Variants in DCC observed in about 807,000 individuals in gnomAD.
The protein encoded by DCC is DCC netrin 1 receptor, also known as netrin receptor DCC.
Under a neutral mutation model 172.5 loss-of-function variants are expected in DCC, and 58 were observed. That is an observed-to-expected ratio of 0.34 (90% CI 0.27 to 0.42). The LOEUF is 0.42. Among genes scored for constraint, DCC ranks in the 10% least tolerant of loss-of-function variants. The pLI, the probability that DCC is intolerant of heterozygous loss-of-function variation, is 1.00. For missense variants in DCC, 1,740 were observed against 1,791.0 expected, an observed-to-expected ratio of 0.97 and a Z score of 0.51; for synonymous variants, 709 against 644.5, an observed-to-expected ratio of 1.10 and a Z score of -1.52.
chr18:53,437,386 C>A (rs550393496), intron 22 of DCC, among the ~76,000 whole-genome samples: 83 of 152,016 alleles, frequency 5.5e-4, no homozygotes, highest in African/African-American at 2.0e-3. Flanking sequence ...CGAGACCATC[C>A]TGGCTAACAC....
chr18:53,117,442 T>C (rs4414555), intron 7 of DCC, among the ~76,000 whole-genome samples: 67,253 of 151,490 alleles, frequency 0.44, 15,474 homozygotes, highest in Non-Finnish European at 0.49. Flanking sequence ...CCCTTTCTTT[T>C]GTCATCTTCT....
chr18:52,421,354 G>A (rs940270442), intron 1 of DCC, among the ~76,000 whole-genome samples: 16 of 152,168 alleles, frequency 1.1e-4, no homozygotes, highest in Admixed American at 2.0e-4. Context: ...TGGCAGGTCC[G>A]ATGACATTCC....
At chr18:53,378,412 T>A (rs1301758689) in intron 15 of DCC, among the ~76,000 whole-genome samples, 1 of 146,466 alleles carries the variant, frequency 6.8e-6, no homozygotes, top group African/African-American at 2.6e-5. Context: ...TTGTTGAGTG[T>A]CCCTTTGAAT....
intron 15 of DCC, among the ~76,000 whole-genome samples, chr18:53,361,828 ATT>A (rs35337117): frequency 6.6e-6 from 1 of 151,830 alleles, no homozygotes; most frequent in Non-Finnish European, 1.5e-5. Flanking sequence ...GAAATTATGT[ATT>A]TTTTTTAAAT....
intron 15 of DCC, 144 bp downstream of exon 15, chr18:53,340,051 CACACACACACACACACACACACACAT>C: frequency 5.6e-6 from 3 of 536,062 alleles, no homozygotes; most frequent in Non-Finnish European, 6.7e-6. Context: ...TCTATCTACA[CACACACACACACACACACACACACAT>C]ACACACACAC....
At chr18:52,808,103 TTATG>T (rs2038121572) in intron 2 of DCC, among the ~76,000 whole-genome samples, 2 of 152,196 alleles carry the variant, frequency 1.3e-5, no homozygotes, top group Non-Finnish European at 2.9e-5. Flanking sequence ...AAGTTTCCCT[TTATG>T]TATGAGATTT....
At chr18:53,314,512 C>T (rs1245423233) in intron 13 of DCC, among the ~76,000 whole-genome samples, 1 of 152,180 alleles carries the variant, frequency 6.6e-6, no homozygotes, top group Admixed American at 6.5e-5. Context: ...GGTGAGTTAT[C>T]TCCGTTGCTG....
intron 1 of DCC, among the ~76,000 whole-genome samples, chr18:52,613,178 A>C (rs1486963386): frequency 6.6e-6 from 1 of 152,194 alleles, no homozygotes; most frequent in Non-Finnish European, 1.5e-5. Context: ...TGGGATGATC[A>C]CAACAGATCT....
intron 1 of DCC, among the ~76,000 whole-genome samples, chr18:52,403,341 T>C (rs1220160670): frequency 1.3e-5 from 2 of 152,006 alleles, no homozygotes; most frequent in Non-Finnish European, 2.9e-5. Context: ...TGAACAGCCC[T>C]TGATGCTCTC....
chr18:52,412,080 A>G (rs1228319403), intron 1 of DCC, among the ~76,000 whole-genome samples: 1 of 152,118 alleles, frequency 6.6e-6, no homozygotes, highest in African/African-American at 2.4e-5. Flanking sequence ...TTTTACCATT[A>G]ATATAATAGC....
At chr18:52,955,165 A>G (rs554954293) in intron 5 of DCC, among the ~76,000 whole-genome samples, 1 of 152,282 alleles carries the variant, frequency 6.6e-6, no homozygotes, top group East Asian at 1.9e-4. Context: ...TTATAGCATC[A>G]TGCATGATAG....
At chr18:53,044,031 A>G (rs950183630) in intron 5 of DCC, among the ~76,000 whole-genome samples, 1 of 151,914 alleles carries the variant, frequency 6.6e-6, no homozygotes, top group Non-Finnish European at 1.5e-5. Flanking sequence ...TATGTTTCAT[A>G]AAGAGTTCGA....
intron 5 of DCC, among the ~76,000 whole-genome samples, chr18:52,969,418 C>T (rs975173988): frequency 1.3e-5 from 2 of 152,008 alleles, no homozygotes; most frequent in Non-Finnish European, 2.9e-5. Context: ...GTCTCAGTGT[C>T]ATTCTTTCCC....
chr18:53,216,983 A>T (rs1474665767), intron 12 of DCC, among the ~76,000 whole-genome samples: 6 of 152,094 alleles, frequency 3.9e-5, no homozygotes, highest in Non-Finnish European at 8.8e-5. Context: ...AAATTTGGAA[A>T]ACATATTGTA....
chr18:52,801,836 T>G (rs2037993258), intron 2 of DCC, among the ~76,000 whole-genome samples: 1 of 152,172 alleles, frequency 6.6e-6, no homozygotes, highest in Non-Finnish European at 1.5e-5. Flanking sequence ...TCTCTGTCAC[T>G]GAGACTATAA....
chr18:52,560,504 C>A (rs2033012337), intron 1 of DCC, among the ~76,000 whole-genome samples: 1 of 152,186 alleles, frequency 6.6e-6, no homozygotes, highest in African/African-American at 2.4e-5. Flanking sequence ...CTCTCATAAA[C>A]AAGTGAGCCT....
At chr18:52,815,470 C>T (rs2038278784) in intron 2 of DCC, among the ~76,000 whole-genome samples, 1 of 151,976 alleles carries the variant, frequency 6.6e-6, no homozygotes, top group African/African-American at 2.4e-5. Flanking sequence ...CCCCCCTGCC[C>T]CCCTGTCCCC....
chr18:53,289,435 A>G (rs1357398389), intron 12 of DCC, among the ~76,000 whole-genome samples: 2 of 152,124 alleles, frequency 1.3e-5, no homozygotes, highest in African/African-American at 4.8e-5. Flanking sequence ...GGACTATAGT[A>G]TGGTGTGTCT....
chr18:53,079,751 A>G (rs1322710599), intron 7 of DCC, among the ~76,000 whole-genome samples: 1 of 152,140 alleles, frequency 6.6e-6, no homozygotes, highest in East Asian at 1.9e-4. Flanking sequence ...TGGACTTTGA[A>G]GTAGGGATGT....
Sources: allele counts gnomAD v4.1 joint callset (sites outside exome capture counted in the v4.1 genomes callset), GRCh38; gene constraint gnomAD v4.1.1; transcripts MANE v1.5; gene names NCBI Gene and HGNC (gene_info 2026-07-23, HGNC 2026-07-21).